The following CSMD1 variants were observed in gnomAD, a reference collection of about 807,000 sequenced individuals.
CSMD1 encodes CUB and sushi domain-containing protein 1.
In CSMD1, 213 loss-of-function variants were observed where a neutral mutation model predicts 417.5. That is an observed-to-expected ratio of 0.51 (90% CI 0.46 to 0.57). The LOEUF (loss-of-function observed/expected upper bound fraction) is 0.57, where lower values mean the gene tolerates loss of function less well. Among genes scored for constraint, CSMD1 ranks in the 20% least tolerant of loss-of-function variants. CSMD1 has a pLI of 0.00. For synonymous variants in CSMD1, 2,862 were observed against 1,736.8 expected (o/e 1.65, Z -16.11); for missense variants, 6,923 against 4,529.7 (o/e 1.53, Z -15.17).
chr8:4,183,241 G>A (rs755783324), intron 3 of CSMD1, among the ~76,000 whole-genome samples: 142 of 152,200 alleles, frequency 9.3e-4, no homozygotes, highest in African/African-American at 3.0e-3. Context: ...TCATCTCTAA[G>A]AAAATTTGCA....
intron 3 of CSMD1, among the ~76,000 whole-genome samples, chr8:4,286,867 C>T (rs1224929936): frequency 6.6e-6 from 1 of 152,150 alleles, no homozygotes; most frequent in Non-Finnish European, 1.5e-5. Flanking sequence ...ACTAATTACA[C>T]TTGAGGCCAC....
intron 18 of CSMD1, among the ~76,000 whole-genome samples, chr8:3,385,963 G>C (rs1212024442): frequency 1.3e-5 from 2 of 152,094 alleles, no homozygotes; most frequent in African/African-American, 4.8e-5. Context: ...TCGTGAAATA[G>C]AAGAGGAATT....
chr8:3,602,979 G>C (rs963065546), intron 8 of CSMD1, among the ~76,000 whole-genome samples: 7 of 152,084 alleles, frequency 4.6e-5, no homozygotes, highest in Non-Finnish European at 8.8e-5. Flanking sequence ...TTCTACTACA[G>C]ATATTGAAAA....
intron 7 of CSMD1, among the ~76,000 whole-genome samples, chr8:3,623,018 G>T (rs531756379): frequency 6.6e-6 from 1 of 152,144 alleles, no homozygotes; most frequent in African/African-American, 2.4e-5. Flanking sequence ...TATGTTAAAT[G>T]TAAGTCAAAA....
intron 5 of CSMD1, among the ~76,000 whole-genome samples, chr8:3,989,535 G>C (rs185663005): frequency 1.2e-4 from 19 of 152,278 alleles, no homozygotes; most frequent in African/African-American, 4.3e-4. Flanking sequence ...TAAAGCACAT[G>C]ATCTATTTAT....
chr8:4,769,234 A>G (rs554890343), intron 1 of CSMD1, among the ~76,000 whole-genome samples: 4 of 152,324 alleles, frequency 2.6e-5, no homozygotes, highest in African/African-American at 9.6e-5. Context: ...GAAGAGATGC[A>G]TATAAAACAC....
At chr8:3,772,423 A>G (rs1297053575) in intron 5 of CSMD1, among the ~76,000 whole-genome samples, 1 of 120,768 alleles carries the variant, frequency 8.3e-6, no homozygotes, top group Non-Finnish European at 1.7e-5. Flanking sequence ...TTATATATAC[A>G]CATATATACA....
At chr8:4,619,640 A>G (rs1451844277) in intron 2 of CSMD1, among the ~76,000 whole-genome samples, 1 of 152,136 alleles carries the variant, frequency 6.6e-6, no homozygotes, top group Non-Finnish European at 1.5e-5. Context: ...CTCTAGCCAC[A>G]TGGGACGTCA....
chr8:3,141,999 G>A (rs865990818), intron 41 of CSMD1, among the ~76,000 whole-genome samples: 21 of 152,004 alleles, frequency 1.4e-4, no homozygotes, highest in East Asian at 1.9e-4. Flanking sequence ...GGGTTTCACC[G>A]TGTTAGCCAG....
intron 5 of CSMD1, among the ~76,000 whole-genome samples, chr8:3,859,563 C>T (rs552743345): frequency 6.6e-6 from 1 of 152,140 alleles, no homozygotes; most frequent in African/African-American, 2.4e-5. Context: ...ATCTAACAAT[C>T]TTAGTGCGAA....
At chr8:4,165,078 T>G (rs1584941725) in intron 3 of CSMD1, among the ~76,000 whole-genome samples, 1 of 152,128 alleles carries the variant, frequency 6.6e-6, no homozygotes, top group African/African-American at 2.4e-5. Flanking sequence ...TTTAGGTGGG[T>G]ACAGATGTGT....
chr8:3,875,136 T>C (rs1179072586), intron 5 of CSMD1, among the ~76,000 whole-genome samples: 2 of 151,900 alleles, frequency 1.3e-5, no homozygotes, highest in African/African-American at 2.4e-5. Context: ...GGTTTGGAAA[T>C]TACTCGATGT....
chr8:3,642,832 C>T (rs891528172), intron 7 of CSMD1, among the ~76,000 whole-genome samples: 4 of 151,586 alleles, frequency 2.6e-5, no homozygotes, highest in Non-Finnish European at 5.9e-5. Context: ...ATTATACATC[C>T]ATATTTGTGT....
At chr8:3,699,006 C>A (rs1800705778) in intron 7 of CSMD1, among the ~76,000 whole-genome samples, 1 of 152,210 alleles carries the variant, frequency 6.6e-6, no homozygotes, top group Admixed American at 6.5e-5. Flanking sequence ...TCATCCCACC[C>A]TCCTTGTACC....
chr8:4,083,419 C>G (rs1190113166), intron 3 of CSMD1, among the ~76,000 whole-genome samples: 2 of 152,048 alleles, frequency 1.3e-5, no homozygotes, highest in East Asian at 3.9e-4. Context: ...TCTTCCGCAT[C>G]ACGCCACCTG....
At chr8:3,050,759 C>T (rs974233549) in intron 50 of CSMD1, among the ~76,000 whole-genome samples, 15 of 151,952 alleles carry the variant, frequency 9.9e-5, no homozygotes, top group Admixed American at 3.3e-4. Context: ...AGAACTCAAC[C>T]GCCTTCCATA....
intron 3 of CSMD1, among the ~76,000 whole-genome samples, chr8:4,120,773 C>G (rs1218384148): frequency 6.6e-6 from 1 of 152,196 alleles, no homozygotes; most frequent in Non-Finnish European, 1.5e-5. Context: ...CTAGTTAAAA[C>G]ATGTCACTTT....
chr8:3,361,798 T>C, intron 20 of CSMD1, among the ~76,000 whole-genome samples: 1 of 152,294 alleles, frequency 6.6e-6, no homozygotes, highest in East Asian at 1.9e-4. Flanking sequence ...TTACTATATA[T>C]TGTAGTTTAT....
At chr8:3,310,886 T>A (rs545991244) in intron 23 of CSMD1, among the ~76,000 whole-genome samples, 2 of 151,820 alleles carry the variant, frequency 1.3e-5, no homozygotes, top group East Asian at 3.9e-4. Flanking sequence ...ATCTGGAGTT[T>A]TAAAAAAAGT....
Sources: allele counts gnomAD v4.1 joint callset (sites outside exome capture counted in the v4.1 genomes callset), GRCh38; gene constraint gnomAD v4.1.1; transcripts MANE v1.5; gene names NCBI Gene and HGNC (gene_info 2026-07-23, HGNC 2026-07-21).